Variants in SERGEF observed in about 807,000 individuals in gnomAD.
SERGEF encodes the protein secretion-regulating guanine nucleotide exchange factor.
Under a neutral mutation model 50.0 loss-of-function variants are expected in SERGEF, and 51 were observed. The observed-to-expected ratio is 1.02, with a 90% CI of 0.81 to 1.29. The LOEUF (loss-of-function observed/expected upper bound fraction) is 1.29, where lower values mean the gene tolerates loss of function less well. Ranked by LOEUF, SERGEF falls within the 50% of genes most tolerant of loss-of-function variation. The pLI, the probability that SERGEF is intolerant of heterozygous loss-of-function variation, is 0.00. For synonymous variants in SERGEF, 205 were observed against 212.4 expected (o/e 0.97, Z 0.30); for missense variants, 521 against 557.0 (o/e 0.94, Z 0.65).
intron 9 of SERGEF, among the ~76,000 whole-genome samples, chr11:17,909,584 A>G (rs1851910802): frequency 6.6e-6 from 1 of 152,236 alleles, no homozygotes; most frequent in South Asian, 2.1e-4. Flanking sequence ...AACTATCAGA[A>G]TATAGATGTC....
chr11:17,878,152 C>T, intron 10 of SERGEF, 56 bp downstream of exon 10: 1 of 1,320,100 alleles, frequency 7.6e-7, no homozygotes, highest in African/African-American at 1.5e-5. Context: ...AAAGTCTTCT[C>T]CAATTCTGCC....
chr11:17,925,243 CA>C (rs1852229795), intron 9 of SERGEF, among the ~76,000 whole-genome samples: 1 of 132,906 alleles, frequency 7.5e-6, no homozygotes, highest in African/African-American at 2.9e-5. Context: ...CCCAGAAGTC[CA>C]TCTGTCTGTC....
rs1453961441 is a variant in SERGEF, at chr11:17,991,221, A to G, written c.685+1710T>C. Among the ~76,000 whole-genome samples, 1 of 152,188 alleles carries G rather than the reference A, an allele frequency of 6.6e-6. No homozygotes were observed. Among genetic ancestry groups the G allele is most frequent in the Non-Finnish European group, 1.5e-5 (1 of 68,030 alleles). On this transcript the variant is annotated intron_variant, in intron 7 of 10. Coordinates refer to ENST00000265965, the MANE Select transcript of SERGEF (RefSeq NM_012139.4). This position sits in a 1 kb window ranked among gnomAD's most constrained non-coding sequence, Gnocchi z 4.9. Reference sequence around the variant, plus strand: ...AAGTTCTTTGTATACTTTAAAAGAAATTTAATTTCTTATATTTAAAATACA... The same window carrying G: ...AAGTTCTTTGTATACTTTAAAAGAAGTTTAATTTCTTATATTTAAAATACA...
intron 9 of SERGEF, among the ~76,000 whole-genome samples, chr11:17,880,759 T>C (rs1274014861): frequency 6.6e-6 from 1 of 152,148 alleles, no homozygotes; most frequent in South Asian, 2.1e-4. Context: ...CAGGAATGTT[T>C]AGAAGTAGTG....
intron 10 of SERGEF, among the ~76,000 whole-genome samples, chr11:17,829,200 C>T (rs575047292): frequency 1.7e-3 from 265 of 152,186 alleles, no homozygotes; most frequent in Non-Finnish European, 3.3e-3. Context: ...GGTAAGTTCC[C>T]TAATCTCTCC....
At chr11:17,973,866 A>G (rs1404034367) in intron 8 of SERGEF, among the ~76,000 whole-genome samples, 1 of 152,202 alleles carries the variant, frequency 6.6e-6, no homozygotes, top group African/African-American at 2.4e-5. Flanking sequence ...TGGCACTTGC[A>G]TTGAGCAGTG....
intron 8 of SERGEF, among the ~76,000 whole-genome samples, chr11:17,979,548 T>C (rs1460682956): frequency 6.6e-6 from 1 of 152,098 alleles, no homozygotes; most frequent in Non-Finnish European, 1.5e-5. Context: ...CCGGGCAGGG[T>C]TATATCTTTT....
intron 10 of SERGEF, among the ~76,000 whole-genome samples, chr11:17,836,981 G>C (rs1850412556): frequency 6.6e-6 from 1 of 152,158 alleles, no homozygotes; most frequent in Non-Finnish European, 1.5e-5. Flanking sequence ...ACTGCTGAAT[G>C]AATGAATCAT....
chr11:17,948,622 ATAAACATTT>A (rs1852715231), intron 9 of SERGEF, among the ~76,000 whole-genome samples: 1 of 152,228 alleles, frequency 6.6e-6, no homozygotes, highest in Non-Finnish European at 1.5e-5. Context: ...TTACAGTGAC[ATAAACATTT>A]TGTTCAGCAG....
At chr11:17,922,421 T>A (rs374110480) in intron 9 of SERGEF, among the ~76,000 whole-genome samples, 1 of 152,204 alleles carries the variant, frequency 6.6e-6, no homozygotes, top group South Asian at 2.1e-4. Context: ...AAGATGATCA[T>A]GCTCAGAACA....
intron 10 of SERGEF, among the ~76,000 whole-genome samples, chr11:17,848,354 G>C (rs1850652775): frequency 6.6e-6 from 1 of 152,168 alleles, no homozygotes; most frequent in African/African-American, 2.4e-5. Context: ...ATTTCAGGAG[G>C]AATGAACCAG....
At chr11:17,832,470 G>T (rs1850326361) in intron 10 of SERGEF, among the ~76,000 whole-genome samples, 1 of 152,214 alleles carries the variant, frequency 6.6e-6, no homozygotes, top group Admixed American at 6.5e-5. Context: ...TTTATTAGCA[G>T]TGTGAAAATG....
chr11:17,887,698 C>T lies in SERGEF; in HGVS notation c.1012-9454G>A, dbSNP rs74815215. 6.1e-3 allele frequency among the ~76,000 whole-genome samples: 925 copies of T among 152,172 alleles called. 11 individuals carry two copies. The highest frequency in any genetic ancestry group is 0.021 in the African/African-American group (886 of 41,500). The stretch of plus-strand genomic sequence containing the variant: ...AACACATATGTGGACACTCAAGTAC[C>T]CAAAATAAATTATTGCTTACTTCTA... On this transcript the variant is annotated intron_variant, in intron 9 of 10. Coordinates refer to ENST00000265965, the MANE Select transcript of SERGEF (RefSeq NM_012139.4).
At chr11:17,902,794 T>A (rs11024427) in intron 9 of SERGEF, among the ~76,000 whole-genome samples, 1 of 151,924 alleles carries the variant, frequency 6.6e-6, no homozygotes, top group Non-Finnish European at 1.5e-5. Flanking sequence ...AGGACTAGAG[T>A]TGCCAACATG....
intron 9 of SERGEF, 120 bp downstream of exon 9, chr11:17,959,350 T>G (rs1852943076): frequency 1.1e-6 from 1 of 885,494 alleles, no homozygotes; most frequent in African/African-American, 1.7e-5. Flanking sequence ...GGCAAGGACC[T>G]CTTCTGATTC....
At position 18,006,477 on chromosome 11, in the gene SERGEF, T is replaced by G. The variant is rs1472357274; in HGVS notation, c.352+114A>C. The G allele has an allele frequency of 5.6e-6, 6 of 1,070,088 alleles. No individual in the cohort carries two copies. The South Asian group carries it at 9.5e-5, about 17-fold the overall frequency. 66.3% of individuals were successfully genotyped at this position (1,070,088 alleles called of 1,614,324 possible). A position where few individuals can be genotyped will look rare whatever the true frequency, so the allele number is the denominator to read the frequency against. On this transcript the variant is annotated intron_variant, in intron 3 of 10. Transcript: ENST00000265965. ...AATTGTGAGCCACCGCACCAGGCCT[T>G]ATGTGTGCTTTTTAAACACAAAGAG...
chr11:17,886,747 T>A (rs1286143314), intron 9 of SERGEF, among the ~76,000 whole-genome samples: 1 of 152,190 alleles, frequency 6.6e-6, no homozygotes, highest in Non-Finnish European at 1.5e-5. Context: ...ATATACACAG[T>A]AATTAGGCTA....
At chr11:17,847,350 G>C (rs1173662092) in intron 10 of SERGEF, among the ~76,000 whole-genome samples, 2 of 152,080 alleles carry the variant, frequency 1.3e-5, no homozygotes, top group African/African-American at 2.4e-5. Context: ...CCTTTATTTG[G>C]GGGGAAGGGG....
At chr11:17,972,217 T>C (rs1853261853) in intron 8 of SERGEF, among the ~76,000 whole-genome samples, 1 of 152,244 alleles carries the variant, frequency 6.6e-6, no homozygotes, top group African/African-American at 2.4e-5. Flanking sequence ...GCAGCAGGGT[T>C]TGAGAGGACT....
Sources: gnomAD v4.1 joint callset for allele counts (sites outside exome capture counted in the v4.1 genomes callset) on GRCh38, gnomAD v4.1.1 for gene constraint, Gnocchi (gnomAD v3.1) non-coding constraint, MANE v1.5 for transcripts, NCBI Gene and HGNC (gene_info 2026-07-23, HGNC 2026-07-21) for gene names.